CTNNA2: variants seen among roughly 807,000 people sequenced by gnomAD.
The protein encoded by CTNNA2 is catenin alpha-2.
CTNNA2 carries 42 observed loss-of-function variants against 101.0 expected under a neutral mutation model. The observed-to-expected ratio is 0.42, with a 90% CI of 0.32 to 0.54. The LOEUF (loss-of-function observed/expected upper bound fraction) is 0.54. Among genes scored for constraint, CTNNA2 ranks in the 20% least tolerant of loss-of-function variants. The probability of loss-of-function intolerance (pLI) is 0.14; values close to 1 mark genes in which losing one functional copy is unlikely to be tolerated. For synonymous variants in CTNNA2, 450 were observed against 456.4 expected (o/e 0.99, Z 0.18); for missense variants, 871 against 1,223.1 (o/e 0.71, Z 4.29).
chr2:79,209,175 T>C (rs1211796532), intron 2 of CTNNA2, among the ~76,000 whole-genome samples: 4 of 152,240 alleles, frequency 2.6e-5, no homozygotes, highest in Admixed American at 2.6e-4. Flanking sequence ...GAATAAAAAA[T>C]ATATAAAAAA....
intron 3 of CTNNA2, among the ~76,000 whole-genome samples, chr2:79,825,284 G>A (rs1678338635): frequency 6.6e-6 from 1 of 152,136 alleles, no homozygotes; most frequent in Non-Finnish European, 1.5e-5. Context: ...GCCATTACAG[G>A]ACTTTAAAGT....
chr2:80,389,499 A>C (rs1263727403), intron 7 of CTNNA2, among the ~76,000 whole-genome samples: 3 of 150,814 alleles, frequency 2.0e-5, no homozygotes, highest in Non-Finnish European at 4.4e-5. Context: ...CTGTCTCTCT[A>C]TCTCTCCCTC....
rs115221831 is a variant in CTNNA2 at position 79,961,402 on chromosome 2, G to A, written c.1056+51605G>A. Among the ~76,000 whole-genome samples, 516 of 152,272 alleles carry A rather than the reference G, an allele frequency of 3.4e-3. 4 individuals carry two copies. The highest frequency in any genetic ancestry group is 0.012 in the African/African-American group (493 of 41,536). ...GATTCCCTTATTACCAGCCTCATCA[G>A]TCAAGTACAATAGAGAGCCAGTGGG... On this transcript the variant is annotated intron_variant, in intron 7 of 18. Coordinates refer to ENST00000402739, the MANE Select transcript of CTNNA2 (RefSeq NM_001282597.3).
intron 7 of CTNNA2, among the ~76,000 whole-genome samples, chr2:80,243,078 A>G (rs1376638836): frequency 1.3e-5 from 2 of 152,198 alleles, no homozygotes; most frequent in South Asian, 4.1e-4. Flanking sequence ...AGAGACCAAC[A>G]TGTTCAGATA....
chr2:79,206,325 T>C (rs1674099884), intron 2 of CTNNA2, among the ~76,000 whole-genome samples: 1 of 151,728 alleles, frequency 6.6e-6, no homozygotes, highest in African/African-American at 2.4e-5. Context: ...CCTTTAAATA[T>C]ACAAAGAAGC....
At chr2:80,043,093 TTCTCTCTC>T (rs201701924) in intron 7 of CTNNA2, among the ~76,000 whole-genome samples, 1,221 of 32,700 alleles carry the variant, frequency 0.037, 113 homozygotes, top group East Asian at 0.077. Flanking sequence ...CTTTCTTTCT[TTCTCTCTC>T]TCTCTCTCTC....
chr2:79,432,226 C>T (rs1558665333), intron 4 of CTNNA2, among the ~76,000 whole-genome samples: 1 of 152,072 alleles, frequency 6.6e-6, no homozygotes, highest in Non-Finnish European at 1.5e-5. Context: ...TTGCAAAGTA[C>T]GATTATGATA....
chr2:80,093,898 G>A (rs1256144314), intron 7 of CTNNA2, among the ~76,000 whole-genome samples: 1 of 151,968 alleles, frequency 6.6e-6, no homozygotes, highest in Non-Finnish European at 1.5e-5. Context: ...GTAGATTCTG[G>A]ATATTAGCCC....
chr2:80,550,526 C>T (rs1001377089), intron 11 of CTNNA2, among the ~76,000 whole-genome samples: 1 of 152,186 alleles, frequency 6.6e-6, no homozygotes, highest in Non-Finnish European at 1.5e-5. Flanking sequence ...TGGAGTCAGT[C>T]CTCTCAAACT....
intron 3 of CTNNA2, among the ~76,000 whole-genome samples, chr2:79,844,475 T>G (rs1680052010): frequency 6.6e-6 from 1 of 152,220 alleles, no homozygotes; most frequent in Non-Finnish European, 1.5e-5. Flanking sequence ...ATACTCTACA[T>G]TATTTTGTCT....
At chr2:80,477,369 A>T (rs2149493965) in intron 9 of CTNNA2, among the ~76,000 whole-genome samples, 1 of 152,316 alleles carries the variant, frequency 6.6e-6, no homozygotes, top group East Asian at 1.9e-4. Context: ...TTCTTTAAAA[A>T]AATCAATAGA....
At chr2:79,213,795 C>T (rs147480182) in intron 2 of CTNNA2, among the ~76,000 whole-genome samples, 5,926 of 152,060 alleles carry the variant, frequency 0.039, 163 homozygotes, top group Admixed American at 0.087. Context: ...CTGAAGGAGC[C>T]AGGAAGCAGA....
At chr2:80,536,292 C>T (rs1172965246) in intron 9 of CTNNA2, among the ~76,000 whole-genome samples, 5 of 152,120 alleles carry the variant, frequency 3.3e-5, no homozygotes, top group Admixed American at 1.3e-4. Flanking sequence ...GTGCCACCAT[C>T]CTCTCTGTGG....
intron 9 of CTNNA2, among the ~76,000 whole-genome samples, chr2:80,517,680 A>T (rs1368592685): frequency 6.6e-6 from 1 of 152,218 alleles, no homozygotes; most frequent in African/African-American, 2.4e-5. Context: ...TAGAGCCGAG[A>T]GTAATATTGG....
intron 7 of CTNNA2, among the ~76,000 whole-genome samples, chr2:80,015,566 G>A (rs543079702): frequency 4.7e-4 from 72 of 152,242 alleles, no homozygotes; most frequent in African/African-American, 1.7e-3. Flanking sequence ...AATTTGGTGT[G>A]TGCAGAAGGA....
intron 7 of CTNNA2, among the ~76,000 whole-genome samples, chr2:79,942,573 A>T (rs1688230874): frequency 6.6e-6 from 1 of 152,200 alleles, no homozygotes; most frequent in Non-Finnish European, 1.5e-5. Context: ...TGATGGTAGG[A>T]ACAGTGTGCC....
chr2:80,093,772 T>C (rs1415468042), intron 7 of CTNNA2, among the ~76,000 whole-genome samples: 1 of 152,140 alleles, frequency 6.6e-6, no homozygotes, highest in South Asian at 2.1e-4. Flanking sequence ...TGAGCATTTT[T>C]TCATGTGTTT....
intron 7 of CTNNA2, among the ~76,000 whole-genome samples, chr2:80,171,290 C>G (rs1361556555): frequency 6.6e-6 from 1 of 152,186 alleles, no homozygotes; most frequent in Admixed American, 6.5e-5. Context: ...ACAGCCCTGA[C>G]TAAAAATGAA....
intron 9 of CTNNA2, among the ~76,000 whole-genome samples, chr2:80,533,572 T>A (rs973693340): frequency 6.6e-6 from 1 of 152,206 alleles, no homozygotes; most frequent in African/African-American, 2.4e-5. Flanking sequence ...AAACGTTCCT[T>A]GGCTTCCGTT....
Sources: gnomAD v4.1 joint callset for allele counts (sites outside exome capture counted in the v4.1 genomes callset) on GRCh38, gnomAD v4.1.1 for gene constraint, MANE v1.5 for transcripts, NCBI Gene and HGNC (gene_info 2026-07-23, HGNC 2026-07-21) for gene names.